Variants in TMTC2 observed in about 807,000 individuals in gnomAD.
TMTC2 encodes the protein protein O-mannosyl-transferase TMTC2.
In TMTC2, 43 loss-of-function variants were observed where a neutral mutation model predicts 82.4. That is an observed-to-expected ratio of 0.52 (90% confidence interval 0.41 to 0.67). TMTC2 has a LOEUF of 0.67. Ranked by LOEUF, TMTC2 falls within the 30% of genes least tolerant of loss-of-function variation. TMTC2 has a pLI of 0.00. For synonymous variants in TMTC2, 408 were observed against 381.9 expected (o/e 1.07, Z -0.80); for missense variants, 919 against 1,012.4 (o/e 0.91, Z 1.25).
At chr12:82,789,870 A>G (rs188607140) in intron 1 of TMTC2, among the ~76,000 whole-genome samples, 1 of 152,270 alleles carries the variant, frequency 6.6e-6, no homozygotes, top group African/African-American at 2.4e-5. Flanking sequence ...CAAGACAAGT[A>G]CTATTAATGT....
intron 9 of TMTC2, among the ~76,000 whole-genome samples, chr12:83,049,183 C>T (rs926005154): frequency 5.3e-5 from 8 of 152,058 alleles, no homozygotes; most frequent in African/African-American, 1.4e-4. Flanking sequence ...GCATGATACA[C>T]GTGTGGGATA....
chr12:82,972,667 G>A (rs901921526), intron 7 of TMTC2, among the ~76,000 whole-genome samples: 1 of 152,150 alleles, frequency 6.6e-6, no homozygotes, highest in African/African-American at 2.4e-5. Context: ...TACAAGTGAT[G>A]TTTAGTTTTT....
chr12:83,045,503 C>G (rs1565867220), intron 9 of TMTC2, among the ~76,000 whole-genome samples: 2 of 152,098 alleles, frequency 1.3e-5, no homozygotes, highest in Non-Finnish European at 2.9e-5. Context: ...TCTCAGAAAT[C>G]TGTTGTTCCC....
At chr12:83,020,224 G>A (rs1880854784) in intron 8 of TMTC2, among the ~76,000 whole-genome samples, 1 of 152,124 alleles carries the variant, frequency 6.6e-6, no homozygotes, top group African/African-American at 2.4e-5. Context: ...AGTTGTGTGT[G>A]CTCCAAATCA....
intron 4 of TMTC2, among the ~76,000 whole-genome samples, chr12:82,960,982 T>C (rs1401217138): frequency 3.3e-5 from 5 of 151,930 alleles, no homozygotes; most frequent in African/African-American, 4.8e-5. Context: ...CAGGTCCTCA[T>C]GTATATCCAG....
At chr12:82,861,961 A>G (rs1056932622) in intron 2 of TMTC2, among the ~76,000 whole-genome samples, 2 of 152,200 alleles carry the variant, frequency 1.3e-5, no homozygotes, top group Non-Finnish European at 2.9e-5. Context: ...TGTGGCTGAA[A>G]TGTTAAAGTG....
At chr12:82,709,387 G>A (rs1348340054) in intron 1 of TMTC2, among the ~76,000 whole-genome samples, 1 of 152,162 alleles carries the variant, frequency 6.6e-6, no homozygotes, top group Non-Finnish European at 1.5e-5. Flanking sequence ...AATAATACAT[G>A]GGTTAATTGA....
At chr12:83,011,437 A>G (rs1234587486) in intron 8 of TMTC2, among the ~76,000 whole-genome samples, 1 of 152,232 alleles carries the variant, frequency 6.6e-6, no homozygotes, top group African/African-American at 2.4e-5. Flanking sequence ...ATGTCTGGTC[A>G]ACATATTGTA....
At chr12:82,941,040 G>A (rs924635311) in intron 4 of TMTC2, among the ~76,000 whole-genome samples, 47 of 152,092 alleles carry the variant, frequency 3.1e-4, no homozygotes, top group African/African-American at 1.1e-3. Flanking sequence ...ATACCATAAC[G>A]GAGAATACAT....
chr12:83,089,119 G>T (rs1004717012), intron 11 of TMTC2, among the ~76,000 whole-genome samples: 29 of 152,216 alleles, frequency 1.9e-4, no homozygotes, highest in Non-Finnish European at 3.8e-4. Flanking sequence ...GAACACTTTG[G>T]TTTGTAGGAG....
At chr12:83,079,150 C>T (rs528686299) in intron 11 of TMTC2, among the ~76,000 whole-genome samples, 60 of 152,116 alleles carry the variant, frequency 3.9e-4, no homozygotes, top group South Asian at 3.9e-3. Context: ...ATTACTGCTA[C>T]TTCTATCAGT....
intron 1 of TMTC2, among the ~76,000 whole-genome samples, chr12:82,832,050 G>A (rs990800807): frequency 1.3e-5 from 2 of 152,136 alleles, no homozygotes; most frequent in African/African-American, 4.8e-5. Context: ...TATACAGAAC[G>A]TTTTATCTGT....
chr12:82,710,944 G>T (rs932544746), intron 1 of TMTC2, among the ~76,000 whole-genome samples: 1 of 152,112 alleles, frequency 6.6e-6, no homozygotes, highest in Non-Finnish European at 1.5e-5. Context: ...ATAATGAATC[G>T]TATAGCCTCT....
intron 1 of TMTC2, among the ~76,000 whole-genome samples, chr12:82,793,609 G>C (rs777204923): frequency 1.3e-5 from 2 of 152,016 alleles, no homozygotes; most frequent in Admixed American, 6.6e-5. Flanking sequence ...AGTATTAGCT[G>C]TAATAAAAAA....
In TMTC2 at chr12:83,081,710, T is replaced by C. The variant is rs145851871; in HGVS notation, c.2331+19879T>C. 6.1e-3 allele frequency among the ~76,000 whole-genome samples: 926 copies of C among 152,088 alleles called. 7 individuals carry two copies. The highest frequency in any genetic ancestry group is 7.1e-3 in the Non-Finnish European group (481 of 68,010). On this transcript the variant is annotated intron_variant, in intron 11 of 11. Coordinates refer to ENST00000321196, the MANE Select transcript of TMTC2 (RefSeq NM_152588.3). ...CAACATACATTCACCTTTAAGAAAA[T>C]TTCCTGAGAAGGAAAAAAATAATCT...
chr12:82,992,794 G>A lies in TMTC2; in HGVS notation c.2070+6748G>A, dbSNP rs532085175. ...ACACAGGAATCTCCAAAATCTCTCA[G>A]GCTTTGATTCAACTTTTGTATGTCA... On this transcript the variant is annotated intron_variant, in intron 8 of 11. Transcript: ENST00000321196. Among the ~76,000 whole-genome samples, 244 of 152,080 alleles carry A rather than the reference G, an allele frequency of 1.6e-3. 1 individual carries two copies. The highest frequency in any genetic ancestry group is 5.8e-3 in the African/African-American group (241 of 41,494).
At chr12:83,030,179 G>A (rs1881366773) in intron 8 of TMTC2, among the ~76,000 whole-genome samples, 1 of 152,088 alleles carries the variant, frequency 6.6e-6, no homozygotes, top group Non-Finnish European at 1.5e-5. Context: ...ATTTCGTTTA[G>A]CCTTGGCCTT....
chr12:82,888,531 T>C (rs1565793954), intron 2 of TMTC2, among the ~76,000 whole-genome samples: 1 of 152,208 alleles, frequency 6.6e-6, no homozygotes, highest in Non-Finnish European at 1.5e-5. Flanking sequence ...CAGGGCATCT[T>C]CCTACCTCAG....
At chr12:82,961,456 A>G (rs1313344740) in intron 4 of TMTC2, among the ~76,000 whole-genome samples, 1 of 152,036 alleles carries the variant, frequency 6.6e-6, no homozygotes, top group Non-Finnish European at 1.5e-5. Flanking sequence ...AAAAAGAAAC[A>G]TAACCGAGTA....
Sources: allele counts gnomAD v4.1 joint callset (sites outside exome capture counted in the v4.1 genomes callset), GRCh38; gene constraint gnomAD v4.1.1; transcripts MANE v1.5; gene names NCBI Gene and HGNC (gene_info 2026-07-23, HGNC 2026-07-21).